The following ANKFN1 variants were observed in gnomAD, a reference collection of about 807,000 sequenced individuals.
ANKFN1 encodes the protein ankyrin repeat and fibronectin type III domain containing 1.
In ANKFN1, 74 loss-of-function variants were observed where a neutral mutation model predicts 108.7. The ratio of observed to expected loss-of-function variants is 0.68; its 90% confidence interval spans 0.56 to 0.83. The LOEUF (loss-of-function observed/expected upper bound fraction) is 0.83, where lower values mean the gene tolerates loss of function less well. Among genes scored for constraint, ANKFN1 ranks in the 40% least tolerant of loss-of-function variants. The pLI, the probability that ANKFN1 is intolerant of heterozygous loss-of-function variation, is 0.00. For synonymous variants in ANKFN1, 547 were observed against 516.2 expected (o/e 1.06, Z -0.81); for missense variants, 1,505 against 1,382.3 (o/e 1.09, Z -1.41).
chr17:56,055,596 TACAC>T (rs1555588789), intron 4 of ANKFN1, among the ~76,000 whole-genome samples: 1 of 130,630 alleles, frequency 7.7e-6, no homozygotes, highest in African/African-American at 3.1e-5. Context: ...TATGTATATA[TACAC>T]ATTTTTTTAT....
chr17:56,488,686 G>A (rs1428682891), intron 18 of ANKFN1, among the ~76,000 whole-genome samples: 2 of 152,250 alleles, frequency 1.3e-5, no homozygotes, highest in Non-Finnish European at 2.9e-5. Context: ...TTGTGCCCCA[G>A]TTCTTTCTGA....
chr17:56,276,559 T>A (rs2043940292), intron 3 of ANKFN1, among the ~76,000 whole-genome samples: 1 of 152,230 alleles, frequency 6.6e-6, no homozygotes, highest in African/African-American at 2.4e-5. Flanking sequence ...TGGTGTGAGA[T>A]GGTATCTCAT....
chr17:56,293,420 T>G (rs2044419215), intron 3 of ANKFN1, among the ~76,000 whole-genome samples: 1 of 152,220 alleles, frequency 6.6e-6, no homozygotes, highest in Non-Finnish European at 1.5e-5. Flanking sequence ...ATGTTTGTGG[T>G]CATTTTAAAG....
At chr17:56,507,179 C>G (rs1425495511) in intron 20 of ANKFN1, among the ~76,000 whole-genome samples, 1 of 152,186 alleles carries the variant, frequency 6.6e-6, no homozygotes, top group Admixed American at 6.5e-5. Context: ...CTTAAGGCAC[C>G]TGCCCCTGCT....
At chr17:56,322,288 C>A (rs2045393678) in intron 3 of ANKFN1, among the ~76,000 whole-genome samples, 1 of 152,190 alleles carries the variant, frequency 6.6e-6, no homozygotes, top group South Asian at 2.1e-4. Context: ...CCATCCCCCA[C>A]CTATACTATT....
At position 56,415,873 on chromosome 17, in the gene ANKFN1, C is replaced by A. The variant is rs372128482; in HGVS notation, c.911-24454C>A. ...ACTGGCATAAAAACAGACACATAGA[C>A]CAATGGAATAGAATACATAATCCAG... On this transcript the variant is annotated intron_variant, in intron 8 of 20. Coordinates refer to ENST00000682825, the MANE Select transcript of ANKFN1 (RefSeq NM_001370326.1). Among the ~76,000 whole-genome samples the A allele has an allele frequency of 2.6e-5, 4 of 152,044 alleles. No homozygotes were observed. In the East Asian group the frequency reaches 7.7e-4, roughly 29 times the overall value.
chr17:56,204,233 C>T (rs1053147505), intron 1 of ANKFN1, among the ~76,000 whole-genome samples: 2 of 151,864 alleles, frequency 1.3e-5, no homozygotes, highest in African/African-American at 4.8e-5. Flanking sequence ...TTTTAGTATA[C>T]CTGGGGTTTC....
intron 6 of ANKFN1, among the ~76,000 whole-genome samples, chr17:56,355,018 G>A (rs1477811118): frequency 6.6e-6 from 1 of 152,050 alleles, no homozygotes; most frequent in Non-Finnish European, 1.5e-5. Flanking sequence ...AGGAATGTCT[G>A]GTGTTTACTG....
intron 4 of ANKFN1, among the ~76,000 whole-genome samples, chr17:56,089,118 G>A (rs1286459292): frequency 1.3e-5 from 2 of 151,396 alleles, no homozygotes; most frequent in Admixed American, 6.6e-5. Context: ...TTAAAAGGGC[G>A]AAGGACTTTT....
At chr17:56,458,700 TA>T (rs2049798765) in intron 14 of ANKFN1, among the ~76,000 whole-genome samples, 1 of 152,084 alleles carries the variant, frequency 6.6e-6, no homozygotes, top group African/African-American at 2.4e-5. Context: ...GAAAAAAAAA[TA>T]TCTGCTACAT....
chr17:56,381,330 AT>A (rs2047096639), intron 8 of ANKFN1, among the ~76,000 whole-genome samples: 1 of 152,144 alleles, frequency 6.6e-6, no homozygotes, highest in Non-Finnish European at 1.5e-5. Context: ...AACCACAAAA[AT>A]GGGGAAAAAA....
chr17:56,263,142 G>A (rs1182195111), intron 3 of ANKFN1, among the ~76,000 whole-genome samples: 1 of 152,200 alleles, frequency 6.6e-6, no homozygotes, highest in African/African-American at 2.4e-5. Context: ...CAAGTTCACA[G>A]GCCATTGCTG....
intron 1 of ANKFN1, among the ~76,000 whole-genome samples, chr17:56,155,247 A>G (rs1481448049): frequency 1.3e-5 from 2 of 152,178 alleles, no homozygotes; most frequent in African/African-American, 4.8e-5. Context: ...TATCTCTCCC[A>G]GTTTTGTGTC....
chr17:56,381,939 C>T (rs956324531), intron 8 of ANKFN1, among the ~76,000 whole-genome samples: 4 of 152,004 alleles, frequency 2.6e-5, no homozygotes, highest in African/African-American at 9.7e-5. Flanking sequence ...CAGAGAACGC[C>T]ACAAAGATAC....
intron 8 of ANKFN1, among the ~76,000 whole-genome samples, chr17:56,418,960 G>C (rs899347084): frequency 6.6e-5 from 10 of 152,312 alleles, no homozygotes; most frequent in Non-Finnish European, 1.5e-4. Flanking sequence ...AGAGAAGCTT[G>C]GTTCAACTCC....
At chr17:56,448,157 G>A (rs770938237) in intron 10 of ANKFN1, among the ~76,000 whole-genome samples, 1 of 152,078 alleles carries the variant, frequency 6.6e-6, no homozygotes, top group Non-Finnish European at 1.5e-5. Context: ...CAATTTTAGA[G>A]AAAGCATCTC....
At position 56,473,976 on chromosome 17, in the gene ANKFN1, G is replaced by A. The variant is rs562589252; in HGVS notation, c.1774-3512G>A. ...TACCTATCCTATATTTGTATTCTTG[G>A]ATGTAGGTCTTTATAAGCACATTTT... On this transcript the variant is annotated intron_variant, in intron 15 of 20. Coordinates refer to ENST00000682825, the MANE Select transcript of ANKFN1 (RefSeq NM_001370326.1). Among the ~76,000 whole-genome samples, 170 of 152,154 alleles carry A rather than the reference G, an allele frequency of 1.1e-3. 1 individual carries two copies. The highest frequency in any genetic ancestry group is 1.9e-3 in the Non-Finnish European group (127 of 67,980).
At chr17:56,306,678 A>C (rs1395204857) in intron 3 of ANKFN1, among the ~76,000 whole-genome samples, 1 of 152,228 alleles carries the variant, frequency 6.6e-6, no homozygotes. Flanking sequence ...ATTCAATGCC[A>C]TCTCCACCAA....
intron 1 of ANKFN1, among the ~76,000 whole-genome samples, chr17:56,161,356 T>C (rs1334513198): frequency 6.6e-6 from 1 of 152,194 alleles, no homozygotes; most frequent in Non-Finnish European, 1.5e-5. Context: ...GAAGGGGTCC[T>C]AGTAACTGCG....
Sources: allele counts gnomAD v4.1 joint callset (sites outside exome capture counted in the v4.1 genomes callset), GRCh38; gene constraint gnomAD v4.1.1; transcripts MANE v1.5; gene names NCBI Gene and HGNC (gene_info 2026-07-23, HGNC 2026-07-21).